The following PTPN14 variants were observed in gnomAD, a reference collection of about 807,000 sequenced individuals.
The protein encoded by PTPN14 is tyrosine-protein phosphatase non-receptor type 14.
PTPN14 carries 53 observed loss-of-function variants against 126.8 expected under a neutral mutation model. That is an observed-to-expected ratio of 0.42 (90% CI 0.34 to 0.53). The LOEUF is 0.53. Ranked by LOEUF, PTPN14 falls within the 20% of genes least tolerant of loss-of-function variation. The probability of loss-of-function intolerance (pLI) is 0.08; values close to 1 mark genes in which losing one functional copy is unlikely to be tolerated. For synonymous variants in PTPN14, 630 were observed against 599.3 expected, an observed-to-expected ratio of 1.05 and a Z score of -0.75; for missense variants, 1,257 against 1,552.9, an observed-to-expected ratio of 0.81 and a Z score of 3.20.
rs545898318 is a variant in PTPN14 at position 214,348,901 on chromosome 1, T to C, written c.*9021A>G. On this transcript the variant is annotated 3_prime_UTR_variant, in exon 19 of 19. Transcript: ENST00000366956. ...ATAGGAAACAGTGCAAAAAATACTGTCAAAGTCAGTTCTATACACCTCATA... is the reference window on the plus strand; with the variant it reads ...ATAGGAAACAGTGCAAAAAATACTGCCAAAGTCAGTTCTATACACCTCATA... The C allele has an allele frequency of 6.6e-6, 1 of 152,266 alleles. No individual in the cohort carries two copies. Among genetic ancestry groups the C allele is most frequent in the East Asian group, 1.9e-4 (1 of 5,180 alleles). 9.4% of individuals were successfully genotyped at this position (152,266 alleles called of 1,614,324 possible).
chr1:214,519,919 C>A lies in PTPN14; in HGVS notation c.-155+31264G>T, dbSNP rs1321949027. 2.6e-5 allele frequency among the ~76,000 whole-genome samples: 4 copies of A among 151,422 alleles called. No individual in the cohort carries two copies. In the East Asian group the frequency reaches 7.8e-4, roughly 30 times the overall value. The stretch of plus-strand genomic sequence containing the variant: ...AAAATTAGCTGGGCATGGTGGCTAG[C>A]GCCTATAGTACCAGCTACTTGGGAG... On this transcript the variant is annotated intron_variant, in intron 1 of 18. Coordinates refer to ENST00000366956, the MANE Select transcript of PTPN14 (RefSeq NM_005401.5).
At chr1:214,491,550 C>T (rs1026985435) in intron 1 of PTPN14, among the ~76,000 whole-genome samples, 11 of 152,160 alleles carry the variant, frequency 7.2e-5, no homozygotes, top group Admixed American at 3.9e-4. Flanking sequence ...GAGCTGTTCA[C>T]GATAGGGTTC....
At chr1:214,501,263 C>T (rs12060436) in intron 1 of PTPN14, among the ~76,000 whole-genome samples, 6 of 151,880 alleles carry the variant, frequency 4.0e-5, no homozygotes, top group East Asian at 1.9e-4. Context: ...TTTTTGGAGA[C>T]GGAGTTTCGC....
intron 1 of PTPN14, chr1:214,530,913 A>G (rs1040656945): frequency 6.6e-6 from 1 of 152,158 alleles, no homozygotes; most frequent in Non-Finnish European, 1.5e-5. Context: ...CTTAACTTCT[A>G]TATTAATATA....
At chr1:214,388,239 C>A (rs913224243) in intron 11 of PTPN14, among the ~76,000 whole-genome samples, 1 of 152,166 alleles carries the variant, frequency 6.6e-6, no homozygotes, top group Non-Finnish European at 1.5e-5. Context: ...TCAGTCAAAT[C>A]AAGCTCCTCT....
intron 3 of PTPN14, among the ~76,000 whole-genome samples, chr1:214,450,167 C>A (rs950786323): frequency 1.0e-4 from 7 of 67,684 alleles, no homozygotes; most frequent in African/African-American, 4.4e-4. Flanking sequence ...TAAATAAAAG[C>A]CAAATTAAAG....
intron 5 of PTPN14, among the ~76,000 whole-genome samples, chr1:214,409,435 G>A (rs187787694): frequency 6.6e-6 from 1 of 152,254 alleles, no homozygotes; most frequent in East Asian, 1.9e-4. Context: ...GTATTCCATT[G>A]TGAGTATACA....
Position 214,393,786 on chromosome 1 carries a change from A to C in PTPN14, c.847-9T>G, listed in dbSNP as rs750858876. Reference sequence around the variant, plus strand: ...GCATTTTCGATATCATCCTTGGAAAAGAAGAGACAGAGAAAAAAATAAACA... The same window carrying C: ...GCATTTTCGATATCATCCTTGGAAACGAAGAGACAGAGAAAAAAATAAACA... On this transcript the variant is annotated splice_polypyrimidine_tract_variant and intron_variant, in intron 9 of 18. Transcript: ENST00000366956. 4.5e-6 allele frequency: 7 copies of C among 1,555,826 alleles called. No individual in the cohort carries two copies. The highest frequency in any genetic ancestry group is 6.2e-6 in the Non-Finnish European group (7 of 1,127,724).
intron 3 of PTPN14, among the ~76,000 whole-genome samples, chr1:214,429,065 C>T (rs1659739905): frequency 6.6e-6 from 1 of 152,136 alleles, no homozygotes; most frequent in Non-Finnish European, 1.5e-5. Flanking sequence ...AGAATGAAAT[C>T]CCAAATATTG....
At chr1:214,504,536 G>C (rs1054737769) in intron 1 of PTPN14, among the ~76,000 whole-genome samples, 12 of 152,162 alleles carry the variant, frequency 7.9e-5, no homozygotes, top group African/African-American at 2.9e-4. Flanking sequence ...CCAGGAACGG[G>C]GCTCTTAGGA....
At chr1:214,532,892 C>A in intron 1 of PTPN14, 2 of 1,019,794 alleles carry the variant, frequency 2.0e-6, no homozygotes, top group Non-Finnish European at 3.1e-6. Flanking sequence ...GAGGTTGATG[C>A]CCCCAAATCT....
chr1:214,468,237 T>C (rs1660683162), intron 1 of PTPN14, among the ~76,000 whole-genome samples: 1 of 152,198 alleles, frequency 6.6e-6, no homozygotes, highest in African/African-American at 2.4e-5. Context: ...GCCTGTAACT[T>C]GCTTTCCAAT....
At chr1:214,419,890 A>G (rs1208384776) in intron 3 of PTPN14, among the ~76,000 whole-genome samples, 2 of 152,192 alleles carry the variant, frequency 1.3e-5, no homozygotes, top group African/African-American at 4.8e-5. Context: ...CCAGGACCAG[A>G]TAAATACTAT....
chr1:214,537,767 G>A (rs1558147142), intron 1 of PTPN14, among the ~76,000 whole-genome samples: 1 of 152,150 alleles, frequency 6.6e-6, no homozygotes, highest in Non-Finnish European at 1.5e-5. Flanking sequence ...GGGCTCCTAA[G>A]AGTAGTTTGA....
At position 214,456,881 on chromosome 1, in the gene PTPN14, T is replaced by C. The variant is rs79570564; in HGVS notation, c.175-4907A>G. On this transcript the variant is annotated intron_variant, in intron 2 of 18. Coordinates refer to ENST00000366956, the MANE Select transcript of PTPN14 (RefSeq NM_005401.5). ...AGATGAGAAATCTCCCCCAGCAGTC[T>C]ACTCTTCAGTCGATTCTTAATCAGC... 3.6e-3 allele frequency among the ~76,000 whole-genome samples: 541 copies of C among 152,334 alleles called. 3 individuals carry two copies. The highest frequency in any genetic ancestry group is 0.012 in the African/African-American group (500 of 41,586).
At chr1:214,528,766 A>G (rs1396845895) in intron 1 of PTPN14, 1 of 152,158 alleles carries the variant, frequency 6.6e-6, no homozygotes, top group African/African-American at 2.4e-5. Flanking sequence ...CTCCATCTCT[A>G]CTAAAAATAC....
intron 3 of PTPN14, among the ~76,000 whole-genome samples, chr1:214,449,721 C>T (rs1660229627): frequency 6.6e-6 from 1 of 152,088 alleles, no homozygotes; most frequent in Admixed American, 6.5e-5. Context: ...CAACAGAGTG[C>T]TTTAAATGTC....
At chr1:214,485,669 T>C (rs1661093730) in intron 1 of PTPN14, among the ~76,000 whole-genome samples, 1 of 151,988 alleles carries the variant, frequency 6.6e-6, no homozygotes, top group African/African-American at 2.4e-5. Context: ...GTTTCTGTAC[T>C]GCGCCTAAAT....
intron 1 of PTPN14, among the ~76,000 whole-genome samples, 173 bp from the exon 2 acceptor site, chr1:214,465,130 C>T (rs1056773727): frequency 6.6e-6 from 1 of 151,836 alleles, no homozygotes; most frequent in Non-Finnish European, 1.5e-5. Flanking sequence ...GAGCCCATGC[C>T]CTATGCCTTA....
Sources: gnomAD v4.1 joint callset for allele counts (sites outside exome capture counted in the v4.1 genomes callset) on GRCh38, gnomAD v4.1.1 for gene constraint, MANE v1.5 for transcripts, NCBI Gene and HGNC (gene_info 2026-07-23, HGNC 2026-07-21) for gene names.